PTBP3: variants seen among roughly 807,000 people sequenced by gnomAD.
PTBP3 encodes polypyrimidine tract binding protein 3.
Under a neutral mutation model 58.7 loss-of-function variants are expected in PTBP3, and 20 were observed. The observed-to-expected ratio is 0.34, with a 90% confidence interval of 0.24 to 0.50. The LOEUF (loss-of-function observed/expected upper bound fraction) is 0.50, where lower values mean the gene tolerates loss of function less well. Among genes scored for constraint, PTBP3 ranks in the 20% least tolerant of loss-of-function variants. PTBP3 has a pLI of 0.98. For synonymous variants in PTBP3, 185 were observed against 219.8 expected (o/e 0.84, Z 1.40); for missense variants, 509 against 637.2 (o/e 0.80, Z 2.17).
intron 2 of PTBP3, 75 bp downstream of exon 2, chr9:112,297,757 G>A: frequency 4.0e-6 from 5 of 1,244,388 alleles, no homozygotes; most frequent in Non-Finnish European, 5.6e-6. Flanking sequence ...CATGATATAA[G>A]CAAAATAAGA....
At chr9:112,337,558 G>A (rs963854716), upstream of PTBP3, among the ~76,000 whole-genome samples, 1 of 152,090 alleles carries the variant, frequency 6.6e-6, no homozygotes, top group African/African-American at 2.4e-5. Flanking sequence ...GAAACTGATG[G>A]GTTCTATATA....
chr9:112,325,092 G>T (rs1217341474), intron 1 of PTBP3, among the ~76,000 whole-genome samples: 2 of 152,138 alleles, frequency 1.3e-5, no homozygotes, highest in Non-Finnish European at 2.9e-5. Context: ...GTGCCCAAAT[G>T]TCCATCAACA....
At chr9:112,346,490 G>A in the PTBP3 span, among the ~76,000 whole-genome samples, 6,882 of 152,066 alleles carry the variant, frequency 0.045, 360 homozygotes, top group African/African-American at 0.13. Flanking sequence ...ACTTGATGTA[G>A]GACACAGGAG....
intron 2 of PTBP3, among the ~76,000 whole-genome samples, chr9:112,285,561 G>A (rs942159604): frequency 2.6e-5 from 4 of 152,054 alleles, no homozygotes; most frequent in African/African-American, 9.7e-5. Context: ...TCTTAAAGGG[G>A]CACAAAAATA....
intron 2 of PTBP3, among the ~76,000 whole-genome samples, chr9:112,280,143 C>T (rs950297383): frequency 6.6e-6 from 1 of 152,094 alleles, no homozygotes; most frequent in Non-Finnish European, 1.5e-5. Context: ...CTGCAACCCC[C>T]GCCTCCCAGG....
At chr9:112,305,663 G>T (rs1399373345) in intron 1 of PTBP3, among the ~76,000 whole-genome samples, 1 of 152,094 alleles carries the variant, frequency 6.6e-6, no homozygotes, top group Admixed American at 6.5e-5. Flanking sequence ...GCTTTCAGCC[G>T]GGCACGGTGG....
intron 5 of PTBP3, among the ~76,000 whole-genome samples, chr9:112,255,634 C>A (rs953059223): frequency 2.0e-5 from 3 of 152,054 alleles, no homozygotes; most frequent in Non-Finnish European, 4.4e-5. Flanking sequence ...AGGGTAAAAT[C>A]CAAGCTCCTT....
At position 112,314,239 on chromosome 9, in the gene PTBP3, G is replaced by A. The variant is rs759002169; in HGVS notation, c.-51-16323C>T. Among the ~76,000 whole-genome samples, 42 of 152,102 alleles carry A rather than the reference G, an allele frequency of 2.8e-4. 1 individual carries two copies. Among genetic ancestry groups the A allele is most frequent in the Non-Finnish European group, 7.4e-5 (5 of 68,016 alleles). ...CACAAATACCAATCATAAGAAAGCTGGAATGGCTACATTAACATTAGACAA... is the reference window on the plus strand; with the variant it reads ...CACAAATACCAATCATAAGAAAGCTAGAATGGCTACATTAACATTAGACAA... On this transcript the variant is annotated intron_variant, in intron 1 of 13. Transcript: ENST00000374257.
chr9:112,254,429 A>G (rs1836264940), intron 5 of PTBP3, among the ~76,000 whole-genome samples: 1 of 152,236 alleles, frequency 6.6e-6, no homozygotes, highest in Non-Finnish European at 1.5e-5. Context: ...TCAAAATTAA[A>G]AACTTTTGTG....
chr9:112,244,749 T>C (rs138357293), intron 7 of PTBP3, among the ~76,000 whole-genome samples: 4 of 151,984 alleles, frequency 2.6e-5, no homozygotes, highest in Non-Finnish European at 4.4e-5. Context: ...GAAGATTCTA[T>C]TGTAATGATG....
intron 1 of PTBP3, among the ~76,000 whole-genome samples, chr9:112,320,324 AAG>A (rs1829893171): frequency 3.6e-5 from 2 of 55,300 alleles, no homozygotes; most frequent in South Asian, 9.2e-4. Context: ...ATTTTTTTTT[AAG>A]TGTTATCACC....
At chr9:112,312,473 CTTGTTTTTTTTT>C (rs1829521773) in intron 1 of PTBP3, among the ~76,000 whole-genome samples, 1 of 115,500 alleles carries the variant, frequency 8.7e-6, no homozygotes. Flanking sequence ...TGAACGAGAC[CTTGTTTTTTTTT>C]TTGTTTTTTT....
At chr9:112,265,068 TC>T (rs1188455368) in intron 4 of PTBP3, among the ~76,000 whole-genome samples, 2 of 152,142 alleles carry the variant, frequency 1.3e-5, no homozygotes, top group Non-Finnish European at 2.9e-5. Flanking sequence ...ACTTACAACA[TC>T]AACCCAATTC....
the PTBP3 span, among the ~76,000 whole-genome samples, chr9:112,353,552 C>T: frequency 6.6e-6 from 1 of 151,718 alleles, no homozygotes; most frequent in Non-Finnish European, 1.5e-5. Context: ...GGCCTCTTTT[C>T]CTTTTTTTCC....
chr9:112,322,483 A>G (rs1345479781), intron 1 of PTBP3, among the ~76,000 whole-genome samples: 6 of 152,214 alleles, frequency 3.9e-5, no homozygotes, highest in Non-Finnish European at 8.8e-5. Flanking sequence ...GGACTCTAGT[A>G]TAGCAAAGGA....
intron 2 of PTBP3, among the ~76,000 whole-genome samples, chr9:112,278,128 C>T (rs1474869449): frequency 6.6e-6 from 1 of 152,122 alleles, no homozygotes; most frequent in Admixed American, 6.5e-5. Context: ...AATACCCAAA[C>T]TAAAGTGTAA....
At chr9:112,253,757 C>A (rs371920361) in intron 5 of PTBP3, among the ~76,000 whole-genome samples, 1 of 152,102 alleles carries the variant, frequency 6.6e-6, no homozygotes, top group African/African-American at 2.4e-5. Context: ...TTCCCCTGCG[C>A]ACTCTCTCTC....
chr9:112,332,727 A>G, intron 1 of PTBP3: 1 of 1,599,438 alleles, frequency 6.3e-7, no homozygotes, highest in South Asian at 1.1e-5. Context: ...ACCCCCATTA[A>G]ATTTTTGAGC....
At chr9:112,247,090 C>T (rs755697979) in intron 7 of PTBP3, among the ~76,000 whole-genome samples, 8 of 151,750 alleles carry the variant, frequency 5.3e-5, no homozygotes, top group South Asian at 2.1e-4. Flanking sequence ...AAAAATTAGC[C>T]GGGTATGATG....
Sources: gnomAD v4.1 joint callset for allele counts (sites outside exome capture counted in the v4.1 genomes callset) on GRCh38, gnomAD v4.1.1 for gene constraint, MANE v1.5 for transcripts, NCBI Gene and HGNC (gene_info 2026-07-23, HGNC 2026-07-21) for gene names.